The following EDN1 variants were observed in gnomAD, a reference collection of about 807,000 sequenced individuals.
EDN1 encodes the protein endothelin 1, also known as endothelin-1.
EDN1 carries 11 observed loss-of-function variants against 21.7 expected under a neutral mutation model. The ratio of observed to expected loss-of-function variants is 0.51; its 90% CI spans 0.32 to 0.84. The LOEUF (loss-of-function observed/expected upper bound fraction) is 0.84, where lower values mean the gene tolerates loss of function less well. EDN1 is among the 40% of genes least tolerant of loss of function. EDN1 has a pLI of 0.03. For missense variants in EDN1, 244 were observed against 262.3 expected, an observed-to-expected ratio of 0.93 and a Z score of 0.48; for synonymous variants, 85 against 90.6, an observed-to-expected ratio of 0.94 and a Z score of 0.35.
the EDN1 span, among the ~76,000 whole-genome samples, chr6:12,244,950 G>T: frequency 3.3e-5 from 5 of 152,098 alleles, no homozygotes; most frequent in African/African-American, 7.2e-5. Context: ...TACCCTATCA[G>T]GAACAAATAA....
chr6:12,260,110 A>G, the EDN1 span, among the ~76,000 whole-genome samples: 1 of 152,248 alleles, frequency 6.6e-6, no homozygotes, highest in East Asian at 1.9e-4. Context: ...CTTAGCAAAC[A>G]TGGTAGACAA....
At chr6:12,281,703 T>A in the EDN1 span, among the ~76,000 whole-genome samples, 1 of 152,230 alleles carries the variant, frequency 6.6e-6, no homozygotes, top group Admixed American at 6.5e-5. Context: ...TTAAAGATTG[T>A]CATTTTCCTT....
chr6:12,253,602 G>A, the EDN1 span, among the ~76,000 whole-genome samples: 1 of 152,124 alleles, frequency 6.6e-6, no homozygotes, highest in Admixed American at 6.6e-5. Flanking sequence ...ACACACATGT[G>A]CACACACAAA....
At chr6:12,277,265 G>A in the EDN1 span, among the ~76,000 whole-genome samples, 1 of 152,236 alleles carries the variant, frequency 6.6e-6, no homozygotes, top group African/African-American at 2.4e-5. Context: ...AGGAAGGGTT[G>A]AAGAGACACA....
the EDN1 span, among the ~76,000 whole-genome samples, chr6:12,264,841 G>A: frequency 9.9e-5 from 15 of 152,104 alleles, no homozygotes. Context: ...AGCAAAAGAT[G>A]ACTAAGACAG....
At chr6:12,259,807 C>A in the EDN1 span, among the ~76,000 whole-genome samples, 1 of 151,876 alleles carries the variant, frequency 6.6e-6, no homozygotes, top group East Asian at 1.9e-4. Flanking sequence ...TAGGGAGAAA[C>A]AATCAAGAAC....
At chr6:12,276,835 G>A in the EDN1 span, among the ~76,000 whole-genome samples, 1 of 152,234 alleles carries the variant, frequency 6.6e-6, no homozygotes, top group Admixed American at 6.5e-5. Context: ...GATTCATTTT[G>A]ATGGCTGTGG....
At chr6:12,267,805 C>G in the EDN1 span, among the ~76,000 whole-genome samples, 1 of 152,170 alleles carries the variant, frequency 6.6e-6, no homozygotes, top group African/African-American at 2.4e-5. Context: ...AGAGAGAAGT[C>G]AATGCCTGGC....
At chr6:12,294,222 T>G in intron 3 of EDN1, 39 bp from the exon 4 acceptor site, 1 of 1,613,956 alleles carries the variant, frequency 6.2e-7, no homozygotes, top group Admixed American at 1.7e-5. Context: ...AAGCTGAATA[T>G]AACATTGCTG....
At chr6:12,292,235 T>C in intron 1 of EDN1, 106 bp from the exon 2 acceptor site, 1 of 1,501,654 alleles carries the variant, frequency 6.7e-7, no homozygotes, top group South Asian at 1.1e-5. Flanking sequence ...GGCTGTGTGC[T>C]TCATCTGCTT....
the EDN1 span, among the ~76,000 whole-genome samples, chr6:12,256,557 G>A: frequency 1.9e-3 from 285 of 152,240 alleles, 4 homozygotes; most frequent in African/African-American, 6.5e-3. Flanking sequence ...AGGTGCATCC[G>A]TCTGTGACCC....
chr6:12,285,489 G>A (rs1762548170), upstream of EDN1, among the ~76,000 whole-genome samples: 1 of 152,232 alleles, frequency 6.6e-6, no homozygotes, highest in African/African-American at 2.4e-5. Flanking sequence ...ATAAGATATT[G>A]CAGTTGATGG....
At chr6:12,284,740 G>A in the EDN1 span, among the ~76,000 whole-genome samples, 3,391 of 84,564 alleles carry the variant, frequency 0.04, 69 homozygotes, top group South Asian at 0.093. Context: ...AGGAAGGAAG[G>A]AAGGAAGGAA....
intron 4 of EDN1, among the ~76,000 whole-genome samples, chr6:12,294,918 G>GTGTTT (rs757628744): frequency 3.1e-5 from 1 of 32,698 alleles, no homozygotes; most frequent in Non-Finnish European, 6.1e-5. Flanking sequence ...CAGGTTTATG[G>GTGTTT]TCTTTTTTTT....
At chr6:12,269,780 T>C in the EDN1 span, among the ~76,000 whole-genome samples, 27 of 152,224 alleles carry the variant, frequency 1.8e-4, no homozygotes, top group South Asian at 5.2e-3. Flanking sequence ...TTTTTGGTTA[T>C]GTTCTTCTCT....
chr6:12,256,736 CAA>C, the EDN1 span, among the ~76,000 whole-genome samples: 2 of 152,106 alleles, frequency 1.3e-5, no homozygotes, highest in African/African-American at 4.8e-5. Context: ...ACATTAATAA[CAA>C]TATAATAGAA....
the EDN1 span, among the ~76,000 whole-genome samples, chr6:12,233,780 G>A: frequency 1.1e-4 from 17 of 152,112 alleles, no homozygotes; most frequent in African/African-American, 4.1e-4. Flanking sequence ...AGAGGAAGTG[G>A]GCTTTGAAAT....
At chr6:12,283,805 A>G in the EDN1 span, among the ~76,000 whole-genome samples, 1 of 152,236 alleles carries the variant, frequency 6.6e-6, no homozygotes, top group Non-Finnish European at 1.5e-5. Flanking sequence ...CTGCAAATCC[A>G]GTAACCAAAA....
the EDN1 span, among the ~76,000 whole-genome samples, chr6:12,284,748 GAAGAAAGAAAGA>G: frequency 2.5e-5 from 2 of 78,494 alleles, no homozygotes; most frequent in African/African-American, 5.3e-5. Context: ...AGGAAGGAAG[GAAGAAAGAAAGA>G]AAGAAAGAAA....
Sources: gnomAD v4.1 joint callset for allele counts (sites outside exome capture counted in the v4.1 genomes callset) on GRCh38, gnomAD v4.1.1 for gene constraint, MANE v1.5 for transcripts, NCBI Gene and HGNC (gene_info 2026-07-23, HGNC 2026-07-21) for gene names.